Variants in CPED1 observed in about 807,000 individuals in gnomAD.
CPED1 encodes cadherin-like and PC-esterase domain-containing protein 1.
In CPED1, 114 loss-of-function variants were observed where a neutral mutation model predicts 128.2. The observed-to-expected ratio is 0.89, with a 90% CI of 0.76 to 1.04. The LOEUF (loss-of-function observed/expected upper bound fraction) is 1.04, where lower values mean the gene tolerates loss of function less well. Among genes scored for constraint, CPED1 ranks in the 50% least tolerant of loss-of-function variants. The pLI is 0.00. For missense variants in CPED1, 1,211 were observed against 1,207.1 expected (o/e 1.00, Z -0.05); for synonymous variants, 462 against 426.7 (o/e 1.08, Z -1.02).
intron 22 of CPED1, among the ~76,000 whole-genome samples, chr7:121,292,140 G>A (rs1440514710): frequency 3.3e-5 from 5 of 151,908 alleles, no homozygotes; most frequent in African/African-American, 1.2e-4. Context: ...TCACTTTCAG[G>A]TACACCAATC....
chr7:121,024,042 T>C (rs1230657780), intron 3 of CPED1, among the ~76,000 whole-genome samples: 1 of 152,144 alleles, frequency 6.6e-6, no homozygotes, highest in Non-Finnish European at 1.5e-5. Context: ...CAAAGAAACA[T>C]GTAAGACTGC....
At chr7:121,293,535 C>T (rs1467157909) in intron 22 of CPED1, among the ~76,000 whole-genome samples, 1 of 152,098 alleles carries the variant, frequency 6.6e-6, no homozygotes, top group African/African-American at 2.4e-5. Flanking sequence ...GCTGGTGTTC[C>T]AGGCACTACT....
chr7:121,046,116 T>A (rs954903599), intron 3 of CPED1, among the ~76,000 whole-genome samples: 32 of 152,128 alleles, frequency 2.1e-4, no homozygotes, highest in African/African-American at 7.7e-4. Context: ...TACACACAAA[T>A]GTTAATTTTA....
At position 121,127,598 on chromosome 7, in the gene CPED1, C is replaced by A. The variant is rs1235751287; in HGVS notation, c.1302+341C>A. ...TCACCCAGGCAGGAGTGCAGTGGCA[C>A]GATCTTGACTCACTGCAACCTCCGC... On this transcript the variant is annotated intron_variant, in intron 10 of 22. Transcript: ENST00000310396. Among the ~76,000 whole-genome samples the A allele has an allele frequency of 6.1e-5, 9 of 147,650 alleles. No homozygotes were observed. In the Admixed American group the frequency reaches 6.1e-4, roughly 10 times the overall value.
chr7:121,036,726 T>C (rs1489141952), intron 3 of CPED1, among the ~76,000 whole-genome samples: 6 of 152,120 alleles, frequency 3.9e-5, no homozygotes, highest in African/African-American at 1.4e-4. Context: ...CTGTTTTCCA[T>C]AGTGGTTGTA....
At chr7:121,171,511 T>A (rs1462620776) in intron 16 of CPED1, among the ~76,000 whole-genome samples, 1 of 152,218 alleles carries the variant, frequency 6.6e-6, no homozygotes, top group African/African-American at 2.4e-5. Flanking sequence ...GAATGCATTT[T>A]AAAAATATAC....
chr7:121,272,020 C>A (rs913727004), intron 22 of CPED1, among the ~76,000 whole-genome samples: 2 of 152,020 alleles, frequency 1.3e-5, no homozygotes. Flanking sequence ...CCTCCCTAAC[C>A]CTTGAATAAA....
At chr7:121,150,998 C>A (rs1415092354) in intron 16 of CPED1, among the ~76,000 whole-genome samples, 2 of 152,114 alleles carry the variant, frequency 1.3e-5, no homozygotes, top group Admixed American at 1.3e-4. Flanking sequence ...AAACTCCTGA[C>A]CTTGTGATCT....
At chr7:121,287,453 C>G (rs1584656490) in intron 22 of CPED1, among the ~76,000 whole-genome samples, 1 of 152,114 alleles carries the variant, frequency 6.6e-6, no homozygotes, top group African/African-American at 2.4e-5. Flanking sequence ...AGAGGTGTAA[C>G]AGCCAGGGAA....
chr7:121,053,442 T>C (rs1325075087), intron 4 of CPED1, among the ~76,000 whole-genome samples: 1 of 152,234 alleles, frequency 6.6e-6, no homozygotes, highest in Non-Finnish European at 1.5e-5. Flanking sequence ...AAGAATTTCT[T>C]GGAAGCAGTC....
chr7:121,009,573 C>T (rs1792108919), intron 2 of CPED1, among the ~76,000 whole-genome samples: 1 of 144,044 alleles, frequency 6.9e-6, no homozygotes, highest in Non-Finnish European at 1.5e-5. Flanking sequence ...TGCCACTGCT[C>T]TCTAGCCTGG....
At chr7:121,258,763 A>G (rs1488804108) in intron 18 of CPED1, among the ~76,000 whole-genome samples, 1 of 152,102 alleles carries the variant, frequency 6.6e-6, no homozygotes, top group East Asian at 1.9e-4. Context: ...AGTTTTAACA[A>G]TATAGTTGCC....
intron 16 of CPED1, among the ~76,000 whole-genome samples, chr7:121,189,132 T>C (rs1370794651): frequency 6.6e-6 from 1 of 152,174 alleles, no homozygotes; most frequent in African/African-American, 2.4e-5. Flanking sequence ...CTACCTTTAC[T>C]TCCGACATTT....
At position 121,130,794 on chromosome 7, in the gene CPED1, T is replaced by C. The variant is rs565124371; in HGVS notation, c.1577+500T>C. Among the ~76,000 whole-genome samples, 45 of 152,168 alleles carry C rather than the reference T, an allele frequency of 3.0e-4. No homozygotes were observed. In the South Asian group the frequency reaches 9.1e-3, roughly 31 times the overall value. ...ATTTTGGTTTCAGAAGGTAGAACTT[T>C]GGGGTTTTTCTTTTTTTAGAAGGTA... On this transcript the variant is annotated intron_variant, in intron 12 of 22. Coordinates refer to ENST00000310396, the MANE Select transcript of CPED1 (RefSeq NM_024913.5).
intron 16 of CPED1, among the ~76,000 whole-genome samples, chr7:121,156,100 A>T (rs1796277413): frequency 6.6e-6 from 1 of 152,226 alleles, no homozygotes; most frequent in Non-Finnish European, 1.5e-5. Context: ...AATGTTCAAC[A>T]TACTAACCAT....
chr7:121,040,391 G>A lies in CPED1; in HGVS notation c.434-6496G>A, dbSNP rs1439886973. Among the ~76,000 whole-genome samples, 84 of 152,016 alleles carry A rather than the reference G, an allele frequency of 5.5e-4. 1 individual carries two copies. Among genetic ancestry groups the A allele is most frequent in the Non-Finnish European group, 5.9e-5 (4 of 67,938 alleles). On this transcript the variant is annotated intron_variant, in intron 3 of 22. Transcript: ENST00000310396. ...CAATCATAGATAAAATTAATTATGG[G>A]TGCTGTGGTACTGTTCCATAGATCT...
intron 4 of CPED1, among the ~76,000 whole-genome samples, chr7:121,052,368 G>A (rs1277350747): frequency 2.0e-5 from 3 of 152,174 alleles, no homozygotes; most frequent in Admixed American, 6.5e-5. Flanking sequence ...GAAGTCACAC[G>A]AAAACTCTTC....
intron 2 of CPED1, among the ~76,000 whole-genome samples, chr7:120,997,470 A>G (rs1052488081): frequency 6.6e-6 from 1 of 152,164 alleles, no homozygotes; most frequent in Admixed American, 6.5e-5. Flanking sequence ...TATGGGTTAA[A>G]TTGTGTACCC....
chr7:121,164,836 C>T (rs1348454826), intron 16 of CPED1, among the ~76,000 whole-genome samples: 1 of 152,116 alleles, frequency 6.6e-6, no homozygotes, highest in Non-Finnish European at 1.5e-5. Flanking sequence ...AGTAATGTCA[C>T]CAAGGAGATA....
Sources: allele counts gnomAD v4.1 joint callset (sites outside exome capture counted in the v4.1 genomes callset), GRCh38; gene constraint gnomAD v4.1.1; transcripts MANE v1.5; gene names NCBI Gene and HGNC (gene_info 2026-07-23, HGNC 2026-07-21).